Variants in SLC14A2 observed in about 807,000 individuals in gnomAD.
SLC14A2 encodes the protein urea transporter 2.
A neutral mutation model predicts 104.6 loss-of-function variants in SLC14A2; 91 were observed. That is an observed-to-expected ratio of 0.87 (90% CI 0.73 to 1.04). The LOEUF is 1.04. SLC14A2 is among the 50% of genes least tolerant of loss of function. The pLI is 0.00. For missense variants in SLC14A2, 1,189 were observed against 1,156.0 expected, an observed-to-expected ratio of 1.03 and a Z score of -0.41; for synonymous variants, 476 against 466.4, an observed-to-expected ratio of 1.02 and a Z score of -0.27.
At chr18:45,365,464 AG>A (rs1272745517) in intron 1 of SLC14A2, among the ~76,000 whole-genome samples, 2 of 152,238 alleles carry the variant, frequency 1.3e-5, no homozygotes, top group African/African-American at 4.8e-5. Flanking sequence ...CTTCATGGAG[AG>A]GAACAAAACA....
At chr18:45,468,847 G>A (rs1005284491) in intron 1 of SLC14A2, among the ~76,000 whole-genome samples, 2 of 152,124 alleles carry the variant, frequency 1.3e-5, no homozygotes, top group Admixed American at 6.5e-5. Context: ...CTATATTCTC[G>A]ACCCCTTGTA....
rs532052315 is a variant in SLC14A2 at position 45,302,222 on chromosome 18, A to T, written c.-125+89031A>T. ...CAATATTTGTTACAACTGGTGAAAAATGGCTTGAGGTTGGATCTTTAATGG... is the reference window on the plus strand; with the variant it reads ...CAATATTTGTTACAACTGGTGAAAATTGGCTTGAGGTTGGATCTTTAATGG... On this transcript the variant is annotated intron_variant, in intron 1 of 20. Coordinates refer to the SLC14A2 transcript ENST00000586448. Among the ~76,000 whole-genome samples, 37 of 152,346 alleles carry T rather than the reference A, an allele frequency of 2.4e-4. 1 individual carries two copies. The South Asian group carries it at 7.5e-3, about 31-fold the overall frequency.
intron 1 of SLC14A2, among the ~76,000 whole-genome samples, chr18:45,252,503 G>A (rs911935082): frequency 6.6e-6 from 1 of 152,312 alleles, no homozygotes; most frequent in Admixed American, 6.5e-5. Flanking sequence ...AACATAAACA[G>A]ATATTTAAAT....
intron 2 of SLC14A2, among the ~76,000 whole-genome samples, chr18:45,538,850 CT>C (rs61475766): frequency 0.039 from 4,140 of 105,234 alleles, 106 homozygotes; most frequent in African/African-American, 0.13. Context: ...TCCCCCTTCC[CT>C]TTTTTTTTTT....
At chr18:45,391,848 T>G (rs934204001) in intron 1 of SLC14A2, among the ~76,000 whole-genome samples, 2 of 152,250 alleles carry the variant, frequency 1.3e-5, no homozygotes, top group African/African-American at 4.8e-5. Context: ...ATGAGTAGAT[T>G]GCAAACATTT....
intron 10 of SLC14A2, among the ~76,000 whole-genome samples, chr18:45,655,235 A>G (rs1186706359): frequency 1.3e-5 from 2 of 152,230 alleles, no homozygotes; most frequent in Non-Finnish European, 2.9e-5. Context: ...CCATGCCATA[A>G]GGAACAACAT....
the SLC14A2 span, chr18:45,180,987 A>G: frequency 0.51 from 77,539 of 152,112 alleles, 20,181 homozygotes; most frequent in Non-Finnish European, 0.58. Context: ...TGTCCTAGCC[A>G]ACTGGATGGA....
intron 1 of SLC14A2, among the ~76,000 whole-genome samples, chr18:45,465,515 C>G (rs973453396): frequency 5.9e-5 from 9 of 152,154 alleles, no homozygotes; most frequent in African/African-American, 1.9e-4. Flanking sequence ...TCTGGCCTCC[C>G]AAAGCAGAAA....
At chr18:45,334,729 A>G (rs1014073789) in intron 1 of SLC14A2, among the ~76,000 whole-genome samples, 1 of 152,182 alleles carries the variant, frequency 6.6e-6, no homozygotes, top group African/African-American at 2.4e-5. Context: ...TGAGGAGTAA[A>G]TGAGTCAGTA....
chr18:45,514,539 T>C (rs2043410631), intron 2 of SLC14A2, among the ~76,000 whole-genome samples: 1 of 152,210 alleles, frequency 6.6e-6, no homozygotes, highest in African/African-American at 2.4e-5. Context: ...ACTGGCCTTG[T>C]AGATGAACTT....
At chr18:45,173,487 G>GA in the SLC14A2 span, among the ~76,000 whole-genome samples, 283 of 137,860 alleles carry the variant, frequency 2.1e-3, no homozygotes, top group African/African-American at 4.1e-3. Context: ...AGGGAGAAAA[G>GA]AAAAAAAAAA....
intron 1 of SLC14A2, among the ~76,000 whole-genome samples, chr18:45,292,296 C>G (rs1391248280): frequency 6.6e-6 from 1 of 152,120 alleles, no homozygotes; most frequent in African/African-American, 2.4e-5. Flanking sequence ...ATTTCAGTAC[C>G]TAGGAATCTA....
At chr18:45,178,144 GTTTA>G in the SLC14A2 span, among the ~76,000 whole-genome samples, 1 of 152,080 alleles carries the variant, frequency 6.6e-6, no homozygotes, top group Non-Finnish European at 1.5e-5. Context: ...GAAGCAATTT[GTTTA>G]TTATTAGAAT....
chr18:45,291,493 G>A (rs1046679445), intron 1 of SLC14A2, among the ~76,000 whole-genome samples: 2 of 152,082 alleles, frequency 1.3e-5, no homozygotes, highest in African/African-American at 4.8e-5. Flanking sequence ...GCTACTTATT[G>A]CCCCTGGTTA....
intron 1 of SLC14A2, among the ~76,000 whole-genome samples, chr18:45,306,142 G>A (rs2085019080): frequency 6.6e-6 from 1 of 152,042 alleles, no homozygotes. Flanking sequence ...ATGAGATATT[G>A]GGCAGGAACA....
intron 1 of SLC14A2, among the ~76,000 whole-genome samples, chr18:45,240,427 C>T (rs1419456326): frequency 6.6e-6 from 1 of 151,922 alleles, no homozygotes; most frequent in East Asian, 1.9e-4. Context: ...ATTTCCTTTC[C>T]TCTGGATAGG....
chr18:45,467,941 C>T (rs560310538), intron 1 of SLC14A2, among the ~76,000 whole-genome samples: 8 of 152,200 alleles, frequency 5.3e-5, no homozygotes, highest in African/African-American at 1.9e-4. Context: ...AAATGAGGTA[C>T]AGGCAAGTTC....
intron 1 of SLC14A2, among the ~76,000 whole-genome samples, chr18:45,368,753 G>A (rs79270938): frequency 7.2e-5 from 11 of 152,150 alleles, no homozygotes; most frequent in Non-Finnish European, 1.2e-4. Flanking sequence ...TCTGAATTTC[G>A]TTTTGGATTG....
intron 1 of SLC14A2, among the ~76,000 whole-genome samples, chr18:45,384,705 C>T (rs1175080398): frequency 6.6e-6 from 1 of 152,128 alleles, no homozygotes; most frequent in Non-Finnish European, 1.5e-5. Flanking sequence ...GCATTGCCCC[C>T]ACAGTGGTGA....
Sources: allele counts gnomAD v4.1 joint callset (sites outside exome capture counted in the v4.1 genomes callset), GRCh38; gene constraint gnomAD v4.1.1; transcripts MANE v1.5; gene names NCBI Gene and HGNC (gene_info 2026-07-23, HGNC 2026-07-21).